Variants in MYO1D observed in about 807,000 individuals in gnomAD.
The protein encoded by MYO1D is myosin ID.
A neutral mutation model predicts 122.0 loss-of-function variants in MYO1D; 83 were observed. The ratio of observed to expected loss-of-function variants is 0.68; its 90% CI spans 0.57 to 0.82. The LOEUF (loss-of-function observed/expected upper bound fraction) is 0.82, where lower values mean the gene tolerates loss of function less well. Among genes scored for constraint, MYO1D ranks in the 40% least tolerant of loss-of-function variants. The pLI is 0.00. For synonymous variants in MYO1D, 464 were observed against 446.9 expected, an observed-to-expected ratio of 1.04 and a Z score of -0.48; for missense variants, 1,157 against 1,269.5, an observed-to-expected ratio of 0.91 and a Z score of 1.35.
At chr17:32,588,243 A>C (rs1481082675) in intron 21 of MYO1D, among the ~76,000 whole-genome samples, 2 of 152,202 alleles carry the variant, frequency 1.3e-5, no homozygotes, top group Non-Finnish European at 2.9e-5. Flanking sequence ...GCATGACCTG[A>C]AATGTAGGTT....
At chr17:32,580,780 G>A (rs534485782) in intron 21 of MYO1D, among the ~76,000 whole-genome samples, 27 of 152,062 alleles carry the variant, frequency 1.8e-4, no homozygotes, top group African/African-American at 6.5e-4. Context: ...AATCCCACTT[G>A]GTCACAATGT....
intron 14 of MYO1D, among the ~76,000 whole-genome samples, chr17:32,721,903 C>T (rs2089516597): frequency 6.6e-6 from 1 of 152,140 alleles, no homozygotes; most frequent in Admixed American, 6.5e-5. Flanking sequence ...TAAATTATCA[C>T]TGGATGAATC....
At chr17:32,776,635 A>G (rs1394696449) in intron 3 of MYO1D, among the ~76,000 whole-genome samples, 1 of 152,228 alleles carries the variant, frequency 6.6e-6, no homozygotes, top group Non-Finnish European at 1.5e-5. Flanking sequence ...ACAATTTTTA[A>G]GGCACTTGCT....
intron 19 of MYO1D, among the ~76,000 whole-genome samples, chr17:32,646,575 C>T (rs547714911): frequency 6.6e-6 from 1 of 152,164 alleles, no homozygotes; most frequent in African/African-American, 2.4e-5. Flanking sequence ...AAACCTGTTA[C>T]ATAATTTCAT....
intron 19 of MYO1D, among the ~76,000 whole-genome samples, chr17:32,649,065 C>G (rs2150946957): frequency 6.6e-6 from 1 of 152,168 alleles, no homozygotes; most frequent in South Asian, 2.1e-4. Flanking sequence ...TTTCCATTTC[C>G]CCCATCTTTG....
intron 1 of MYO1D, among the ~76,000 whole-genome samples, chr17:32,833,895 C>A (rs1413603422): frequency 3.9e-5 from 6 of 152,084 alleles, no homozygotes; most frequent in African/African-American, 9.7e-5. Flanking sequence ...CTAGATAAGA[C>A]CCCCTACTAC....
At chr17:32,777,811 G>GT (rs1227999700) in intron 3 of MYO1D, among the ~76,000 whole-genome samples, 1 of 152,134 alleles carries the variant, frequency 6.6e-6, no homozygotes, top group Non-Finnish European at 1.5e-5. Context: ...GCCGGTGCCT[G>GT]TAGTCCCAGC....
chr17:32,728,412 T>C (rs2089600488), intron 14 of MYO1D, among the ~76,000 whole-genome samples: 1 of 152,166 alleles, frequency 6.6e-6, no homozygotes, highest in African/African-American at 2.4e-5. Flanking sequence ...TTCACTATGT[T>C]GGCCAGGCTG....
intron 15 of MYO1D, among the ~76,000 whole-genome samples, chr17:32,717,137 A>C (rs1233202687): frequency 1.3e-5 from 2 of 152,220 alleles, no homozygotes; most frequent in African/African-American, 4.8e-5. Flanking sequence ...TATACTCCTC[A>C]AGTGGTTGTC....
intron 16 of MYO1D, among the ~76,000 whole-genome samples, chr17:32,684,959 G>A (rs1008550272): frequency 1.4e-4 from 21 of 151,972 alleles, no homozygotes; most frequent in African/African-American, 4.6e-4. Flanking sequence ...ATTAAGTTCC[G>A]GCTTCCCTAT....
chr17:32,756,196 G>A, intron 10 of MYO1D: 1 of 226,642 alleles, frequency 4.4e-6, no homozygotes, highest in Non-Finnish European at 8.8e-6. Context: ...GCCACAAAGT[G>A]CCTCGTTTAC....
intron 21 of MYO1D, among the ~76,000 whole-genome samples, chr17:32,578,474 A>T (rs985426385): frequency 2.6e-5 from 4 of 152,236 alleles, no homozygotes; most frequent in Non-Finnish European, 5.9e-5. Context: ...CCACAGTTAG[A>T]TTTTCAGGTT....
rs1207725923 is a variant in MYO1D at position 32,605,070 on chromosome 17, C to T, written c.2864+17G>A. On this transcript the variant is annotated intron_variant, in intron 21 of 21. Transcript: ENST00000318217. ...ATAGATTTAAAACGTGTCTTAGTTA[C>T]AAAAATCAAACTTTACCTCTTGAAA... 1.3e-6 allele frequency: 2 copies of T among 1,560,016 alleles called. No homozygotes were observed. Among genetic ancestry groups the T allele is most frequent in the East Asian group, 2.3e-5 (1 of 43,764 alleles).
At chr17:32,854,929 T>A (rs1183524651) in intron 1 of MYO1D, among the ~76,000 whole-genome samples, 1 of 152,138 alleles carries the variant, frequency 6.6e-6, no homozygotes, top group African/African-American at 2.4e-5. Flanking sequence ...GATATACAAA[T>A]GTGTATGTGT....
At chr17:32,722,080 AAT>A (rs1184334602) in intron 14 of MYO1D, among the ~76,000 whole-genome samples, 3 of 152,214 alleles carry the variant, frequency 2.0e-5, no homozygotes, top group African/African-American at 7.2e-5. Flanking sequence ...ACGGGTAGTA[AAT>A]AATTTAAGAA....
At chr17:32,662,890 C>T (rs1448457533) in intron 16 of MYO1D, among the ~76,000 whole-genome samples, 1 of 151,108 alleles carries the variant, frequency 6.6e-6, no homozygotes, top group Non-Finnish European at 1.5e-5. Flanking sequence ...TCTTTATTTA[C>T]CTTTAGTGGG....
intron 19 of MYO1D, 63 bp downstream of exon 19, chr17:32,653,780 T>G: frequency 7.1e-7 from 1 of 1,399,978 alleles, no homozygotes; most frequent in South Asian, 1.2e-5. Flanking sequence ...CAGGCTTGCT[T>G]AAGTGAGTTT....
At chr17:32,721,463 G>T (rs1488501830) in intron 14 of MYO1D, among the ~76,000 whole-genome samples, 1 of 152,150 alleles carries the variant, frequency 6.6e-6, no homozygotes, top group South Asian at 2.1e-4. Flanking sequence ...TAACAGAGAC[G>T]TAAAGATCGA....
intron 21 of MYO1D, among the ~76,000 whole-genome samples, chr17:32,581,878 C>T (rs1259911729): frequency 2.0e-5 from 3 of 151,974 alleles, no homozygotes; most frequent in Non-Finnish European, 2.9e-5. Context: ...AATTCTCTTG[C>T]CTCAGCCTCC....
Sources: gnomAD v4.1 joint callset for allele counts (sites outside exome capture counted in the v4.1 genomes callset) on GRCh38, gnomAD v4.1.1 for gene constraint, MANE v1.5 for transcripts, NCBI Gene and HGNC (gene_info 2026-07-23, HGNC 2026-07-21) for gene names.